PTPRU: variants seen among roughly 807,000 people sequenced by gnomAD.
PTPRU encodes the protein protein tyrosine phosphatase receptor type U.
A neutral mutation model predicts 166.3 loss-of-function variants in PTPRU; 69 were observed. The ratio of observed to expected loss-of-function variants is 0.41; its 90% CI spans 0.34 to 0.51. The LOEUF is 0.51. Ranked by LOEUF, PTPRU falls within the 20% of genes least tolerant of loss-of-function variation. The pLI, the probability that PTPRU is intolerant of heterozygous loss-of-function variation, is 0.09. For missense variants in PTPRU, 1,657 were observed against 2,013.7 expected, an observed-to-expected ratio of 0.82 and a Z score of 3.39; for synonymous variants, 793 against 814.0, an observed-to-expected ratio of 0.97 and a Z score of 0.44.
chr1:29,265,081 T>C (rs1685241124), intron 7 of PTPRU, among the ~76,000 whole-genome samples: 1 of 152,246 alleles, frequency 6.6e-6, no homozygotes, highest in African/African-American at 2.4e-5. Flanking sequence ...CAGAGGTTTT[T>C]GCATGAACAT....
chr1:29,276,767 G>A (rs1037790917), intron 8 of PTPRU, among the ~76,000 whole-genome samples: 1 of 151,942 alleles, frequency 6.6e-6, no homozygotes, highest in African/African-American at 2.4e-5. Context: ...CCAACTGTTG[G>A]CTTACTTGAT....
Position 29,283,552 on chromosome 1 carries a change from C to T in PTPRU, c.2143-388C>T, listed in dbSNP as rs565356457. 3.5e-4 allele frequency among the ~76,000 whole-genome samples: 53 copies of T among 152,190 alleles called. No individual in the cohort carries two copies. In the East Asian group the frequency reaches 9.3e-3, roughly 27 times the overall value. Reference sequence around the variant, plus strand: ...GCGTTCCTGTGTTAAGGCCTAGGACCCGCCTCCTCCCTGAAGCCCCACCTT... The same window carrying T: ...GCGTTCCTGTGTTAAGGCCTAGGACTCGCCTCCTCCCTGAAGCCCCACCTT... On this transcript the variant is annotated intron_variant, in intron 12 of 29. Coordinates refer to ENST00000373779, the MANE Select transcript of PTPRU (RefSeq NM_133178.4).
intron 2 of PTPRU, among the ~76,000 whole-genome samples, chr1:29,258,199 A>T (rs1684857213): frequency 1.3e-5 from 2 of 152,212 alleles, no homozygotes; most frequent in African/African-American, 4.8e-5. Context: ...TGCTGACCTC[A>T]GGTGATTCAC....
In PTPRU at chr1:29,236,592, C is replaced by T. The variant is rs569433077; in HGVS notation, c.-53C>T. 8.5e-5 allele frequency: 101 copies of T among 1,193,828 alleles called. No homozygotes were observed. The highest frequency in any genetic ancestry group is 1.8e-4 in the Admixed American group (4 of 22,446). The allele number at this position is 1,193,828 out of a possible 1,614,324, so 74.0% of individuals were successfully genotyped here. ...CTCGCCTCGGGCTGGGCTCGGGCTC[C>T]GGGGGCGGCGTCCCCCGCGCCGGGC... On this transcript the variant is annotated 5_prime_UTR_variant, in exon 1 of 30. Coordinates refer to ENST00000373779, the MANE Select transcript of PTPRU (RefSeq NM_133178.4). This position sits in a 1 kb window ranked among gnomAD's most constrained non-coding sequence, Gnocchi z 4.6.
In PTPRU at chr1:29,271,269, AAG is replaced by A. The variant is rs959584959; in HGVS notation, c.1145-4174_1145-4173del. The stretch of plus-strand genomic sequence containing the variant: ...TTTTGTCAGCGTGTGTTGACAGTTG[AAG>A]AGAGTGTGTCTGGGTGCCAGATGGT... On this transcript the variant is annotated intron_variant, in intron 7 of 29. Coordinates refer to ENST00000373779, the MANE Select transcript of PTPRU (RefSeq NM_133178.4). The surrounding 1 kb of genome is among the most constrained non-coding windows in gnomAD (Gnocchi z 4.4). Among the ~76,000 whole-genome samples, 5 of 152,308 alleles carry A rather than the reference AAG, an allele frequency of 3.3e-5. No individual in the cohort carries two copies. Among genetic ancestry groups the A allele is most frequent in the African/African-American group, 1.2e-4 (5 of 41,566 alleles).
intron 14 of PTPRU, among the ~76,000 whole-genome samples, chr1:29,290,417 A>T (rs1686571994): frequency 6.6e-6 from 1 of 152,218 alleles, no homozygotes; most frequent in Non-Finnish European, 1.5e-5. Context: ...TGGAACTGGG[A>T]TACAACCCAG....
intron 16 of PTPRU, 39 bp downstream of exon 16, chr1:29,304,084 G>C (rs773086145): frequency 1.8e-5 from 28 of 1,576,454 alleles, no homozygotes; most frequent in Non-Finnish European, 2.4e-5. Context: ...CCCTGCAGAG[G>C]CCTCACCTGG....
chr1:29,319,387 C>G (rs185858981), intron 25 of PTPRU, among the ~76,000 whole-genome samples: 34 of 152,332 alleles, frequency 2.2e-4, no homozygotes, highest in African/African-American at 7.9e-4. Flanking sequence ...AGTTCTGAGA[C>G]AGCCCTGTCC....
At chr1:29,318,713 C>T (rs1020885942) in intron 25 of PTPRU, among the ~76,000 whole-genome samples, 4 of 152,246 alleles carry the variant, frequency 2.6e-5, no homozygotes, top group African/African-American at 4.8e-5. Context: ...GCCACCCCTC[C>T]CCGTCAGGGA....
Position 29,317,740 on chromosome 1 carries a change from C to T in PTPRU, c.3514-8C>T, listed in dbSNP as rs772824300. ...GTAACTCTCTGTCCCCACCCCCGCT[C>T]CCTGTAGACGCTGAACTCGGTCACC... On this transcript the variant is annotated splice_region_variant and splice_polypyrimidine_tract_variant and intron_variant, in intron 24 of 29. Transcript: ENST00000373779. This position sits in a 1 kb window ranked among gnomAD's most constrained non-coding sequence, Gnocchi z 5.6. 11 of 1,603,674 alleles carry T rather than the reference C, an allele frequency of 6.9e-6. No individual in the cohort carries two copies. In the East Asian group the frequency reaches 2.0e-4, roughly 29 times the overall value.
intron 2 of PTPRU, among the ~76,000 whole-genome samples, chr1:29,256,995 G>A (rs1484400077): frequency 1.3e-5 from 2 of 152,190 alleles, no homozygotes; most frequent in African/African-American, 4.8e-5. Context: ...CACATTCTAG[G>A]AATGGGAGCT....
intron 7 of PTPRU, among the ~76,000 whole-genome samples, chr1:29,264,703 A>C (rs1182836798): frequency 6.6e-6 from 1 of 152,092 alleles, no homozygotes; most frequent in East Asian, 1.9e-4. Flanking sequence ...ACAGGGTTTC[A>C]CCATGTTGGC....
rs376575519 is a variant in PTPRU, at chr1:29,260,597, C to T, written c.851-13C>T. On this transcript the variant is annotated splice_polypyrimidine_tract_variant and intron_variant, in intron 6 of 29. Coordinates refer to ENST00000373779, the MANE Select transcript of PTPRU (RefSeq NM_133178.4). This position sits in a 1 kb window ranked among gnomAD's most constrained non-coding sequence, Gnocchi z 8.3. ...GCATCGGTCCGCCTCGCCTCTCCCC[C>T]ATCTCCTCGCAGAGCCCCCAACTCC... is the stretch of plus-strand genomic sequence containing the variant. 1.1e-5 allele frequency: 16 copies of T among 1,487,240 alleles called. No individual in the cohort carries two copies. The highest frequency in any genetic ancestry group is 1.4e-5 in the Non-Finnish European group (16 of 1,116,688). The allele number at this position is 1,487,240 out of a possible 1,614,324, so 92.1% of individuals were successfully genotyped here. A position where few individuals can be genotyped will look rare whatever the true frequency, so the allele number is the denominator to read the frequency against.
At chr1:29,318,520 G>T (rs1362730099) in intron 25 of PTPRU, among the ~76,000 whole-genome samples, 11 of 152,312 alleles carry the variant, frequency 7.2e-5, no homozygotes, top group African/African-American at 2.6e-4. Context: ...TGTCTGAGGC[G>T]GGAAGGGTCT....
At chr1:29,282,644 G>A in intron 11 of PTPRU, 32 bp from the exon 12 acceptor site, 1 of 1,594,100 alleles carries the variant, frequency 6.3e-7, no homozygotes, top group Non-Finnish European at 8.6e-7. Flanking sequence ...CTGGCCGCCT[G>A]TGATCCCCTG....
chr1:29,294,555 A>G (rs1318245518), intron 15 of PTPRU, among the ~76,000 whole-genome samples: 1 of 152,140 alleles, frequency 6.6e-6, no homozygotes, highest in Non-Finnish European at 1.5e-5. Context: ...CTTTGGATGA[A>G]CAGAAGATTT....
chr1:29,278,296 T>C (rs1685909390), intron 8 of PTPRU, among the ~76,000 whole-genome samples: 1 of 152,206 alleles, frequency 6.6e-6, no homozygotes, highest in Non-Finnish European at 1.5e-5. Flanking sequence ...TTCAGCTCCT[T>C]CTTTACTTTC....
chr1:29,284,806 G>T lies in PTPRU; in HGVS notation c.2255G>T (p.Cys752Phe). 1 of 1,613,920 alleles carries T rather than the reference G, an allele frequency of 6.2e-7. No homozygotes were observed. Among genetic ancestry groups the T allele is most frequent in the Non-Finnish European group, 8.5e-7 (1 of 1,179,860 alleles). Residue 752 changes from cysteine to phenylalanine, a missense_variant, in exon 14 of 30, where the codon TGT becomes TTT. Around this residue, in one of 3 missense-constraint regions of PTPRU, gnomAD observed 1,190 missense variants for 1,477.4 expected, o/e 0.81. Transcript: ENST00000373779. Reference protein sequence around the residue: ...SEEMGLILGICAGGLAVLILL... With the variant: ...SEEMGLILGIFAGGLAVLILL... ...GAGATGGGGCTTATCCTGGGCATCT[G>T]TGCAGGGGGGCTTGCTGTCCTCATC...
At chr1:29,304,145 T>G (rs1687273965) in intron 16 of PTPRU, 100 bp downstream of exon 16, 7 of 1,343,840 alleles carry the variant, frequency 5.2e-6, no homozygotes, top group Non-Finnish European at 7.0e-6. Flanking sequence ...CTAGTCCTGG[T>G]TGGACGCCTG....
Sources: allele counts gnomAD v4.1 joint callset (sites outside exome capture counted in the v4.1 genomes callset), GRCh38; gene constraint gnomAD v4.1.1; regional missense constraint gnomAD v4.1.1; non-coding constraint Gnocchi (gnomAD v3.1); transcripts MANE v1.5; gene names NCBI Gene and HGNC (gene_info 2026-07-23, HGNC 2026-07-21).